Variants in COL19A1 observed in about 807,000 individuals in gnomAD.
COL19A1 encodes collagen alpha-1(XIX) chain.
In COL19A1, 159 loss-of-function variants were observed where a neutral mutation model predicts 190.2. That is an observed-to-expected ratio of 0.84 (90% CI 0.73 to 0.95). The LOEUF (loss-of-function observed/expected upper bound fraction) is 0.95. Ranked by LOEUF, COL19A1 falls within the 40% of genes least tolerant of loss-of-function variation. The pLI is 0.00. For missense variants in COL19A1, 1,418 were observed against 1,431.9 expected (o/e 0.99, Z 0.16); for synonymous variants, 509 against 458.9 (o/e 1.11, Z -1.39).
At chr6:70,082,731 G>A (rs1782336680) in intron 15 of COL19A1, among the ~76,000 whole-genome samples, 2 of 152,150 alleles carry the variant, frequency 1.3e-5, no homozygotes, top group Non-Finnish European at 2.9e-5. Flanking sequence ...TTAGATAAAA[G>A]TTATCCTCTA....
intron 16 of COL19A1, among the ~76,000 whole-genome samples, chr6:70,106,040 A>G (rs1377940678): frequency 6.6e-6 from 1 of 152,204 alleles, no homozygotes; most frequent in African/African-American, 2.4e-5. Flanking sequence ...TAATAACAGC[A>G]TACTTTATAA....
At chr6:70,143,505 T>C (rs1440216345) in intron 23 of COL19A1, among the ~76,000 whole-genome samples, 1 of 152,142 alleles carries the variant, frequency 6.6e-6, no homozygotes. Flanking sequence ...TATCTGACTA[T>C]GATTAGAGTT....
At chr6:69,954,061 G>A (rs144840214) in intron 9 of COL19A1, among the ~76,000 whole-genome samples, 7 of 152,084 alleles carry the variant, frequency 4.6e-5, no homozygotes, top group African/African-American at 1.7e-4. Flanking sequence ...GAATGAACCT[G>A]TTAGGGAAGA....
At chr6:70,128,845 GGAA>G (rs1181584226) in intron 17 of COL19A1, among the ~76,000 whole-genome samples, 3 of 152,280 alleles carry the variant, frequency 2.0e-5, no homozygotes, top group Non-Finnish European at 2.9e-5. Context: ...CTTTGTGACA[GGAA>G]GAAGGTTTAC....
intron 14 of COL19A1, among the ~76,000 whole-genome samples, chr6:70,068,121 A>G (rs1204552462): frequency 6.6e-6 from 1 of 151,872 alleles, no homozygotes; most frequent in Non-Finnish European, 1.5e-5. Flanking sequence ...GTTACCACTT[A>G]TTTATGGTGG....
intron 48 of COL19A1, among the ~76,000 whole-genome samples, chr6:70,196,613 G>A (rs1454976716): frequency 1.3e-5 from 2 of 152,184 alleles, no homozygotes; most frequent in African/African-American, 4.8e-5. Flanking sequence ...TAATATTAAT[G>A]TCTGTATTAT....
rs117229557 is a variant in COL19A1, at chr6:70,061,362, A to C, written c.1171-7061A>C. On this transcript the variant is annotated intron_variant, in intron 14 of 50. Coordinates refer to ENST00000620364, the MANE Select transcript of COL19A1 (RefSeq NM_001858.6). ...AGAGTGAATGATTCATCAAGGATTA[A>C]AAAAGAATTTCCTCAACTTCTAATC... Among the ~76,000 whole-genome samples, 1,489 of 152,192 alleles carry C rather than the reference A, an allele frequency of 9.8e-3. 6 individuals are homozygous for C. The highest frequency in any genetic ancestry group is 0.016 in the Non-Finnish European group (1,095 of 67,988).
At chr6:70,065,355 G>A (rs1044564971) in intron 14 of COL19A1, among the ~76,000 whole-genome samples, 1 of 152,274 alleles carries the variant, frequency 6.6e-6, no homozygotes, top group African/African-American at 2.4e-5. Flanking sequence ...CAAGAAATGG[G>A]GAAAGGATTC....
intron 1 of COL19A1, among the ~76,000 whole-genome samples, chr6:69,878,105 A>G (rs1768255308): frequency 6.6e-6 from 1 of 152,128 alleles, no homozygotes. Context: ...GCACCTGAAA[A>G]GATGTTCAAC....
chr6:70,006,641 T>C, intron 11 of COL19A1, among the ~76,000 whole-genome samples: 1 of 152,244 alleles, frequency 6.6e-6, no homozygotes, highest in South Asian at 2.1e-4. Context: ...TGACTATAAT[T>C]GTATTTGTCA....
chr6:69,946,439 T>C (rs1236842771), intron 9 of COL19A1, among the ~76,000 whole-genome samples: 2 of 152,072 alleles, frequency 1.3e-5, no homozygotes, highest in African/African-American at 2.4e-5. Flanking sequence ...CATATTAGAC[T>C]ACTCAAAATT....
chr6:69,994,494 A>G (rs373936202), intron 11 of COL19A1, among the ~76,000 whole-genome samples: 82 of 152,234 alleles, frequency 5.4e-4, no homozygotes, highest in African/African-American at 1.9e-3. Flanking sequence ...TTCTCACTGG[A>G]TTCCCAGGCA....
rs568944052 is a variant in COL19A1 at position 70,108,904 on chromosome 6, C to G, written c.1278+6682C>G. Among the ~76,000 whole-genome samples the G allele has an allele frequency of 3.1e-4, 47 of 152,234 alleles. 1 individual carries two copies. The South Asian group carries it at 9.5e-3, about 31-fold the overall frequency. On this transcript the variant is annotated intron_variant, in intron 16 of 50. Coordinates refer to ENST00000620364, the MANE Select transcript of COL19A1 (RefSeq NM_001858.6). ...CACAGTCCTGAAAGTTACAATTATA[C>G]ATCAGTTTGCACAATTAAAAGAGTA...
intron 1 of COL19A1, among the ~76,000 whole-genome samples, chr6:69,870,876 G>A (rs573275940): frequency 5.2e-4 from 79 of 152,280 alleles, no homozygotes; most frequent in African/African-American, 1.8e-3. Context: ...TTCAAAAGAC[G>A]TTTACAAATA....
At chr6:69,985,258 A>T (rs1311276923) in intron 11 of COL19A1, among the ~76,000 whole-genome samples, 1 of 152,178 alleles carries the variant, frequency 6.6e-6, no homozygotes, top group South Asian at 2.1e-4. Flanking sequence ...TTAAGTAGTG[A>T]GGTACTAACT....
At position 70,150,031 on chromosome 6, in the gene COL19A1, C is replaced by A. The variant is rs1786948336; in HGVS notation, c.2023C>A (p.Pro675Thr). Reference protein sequence around the residue: ...GRDGKPGLPGPPGDPIALPLL... With the variant: ...GRDGKPGLPGTPGDPIALPLL... ...AGATGGAAAGCCAGGCCTGCCAGGC[C>A]CCCCAGGTGACCCGGTATGTAGACA... The change falls in exon 30 of 51, where the codon CCC (proline) becomes ACC (threonine). Residue 675 changes from proline to threonine, a missense_variant. By Grantham distance (38) the Pro-to-Thr change is conservative. Coordinates refer to ENST00000620364, the MANE Select transcript of COL19A1 (RefSeq NM_001858.6). 6.2e-7 allele frequency: 1 copy of A among 1,613,642 alleles called. No homozygotes were observed. The highest frequency in any genetic ancestry group is 1.1e-5 in the South Asian group (1 of 91,062).
chr6:70,050,587 T>C (rs1023836507), intron 14 of COL19A1, among the ~76,000 whole-genome samples: 2 of 152,058 alleles, frequency 1.3e-5, no homozygotes, highest in Admixed American at 6.6e-5. Flanking sequence ...ATTATTAAAG[T>C]AAAATATCAC....
At chr6:69,958,650 A>C (rs969954416) in intron 9 of COL19A1, among the ~76,000 whole-genome samples, 1 of 152,180 alleles carries the variant, frequency 6.6e-6, no homozygotes, top group African/African-American at 2.4e-5. Context: ...TGTTTAGTAT[A>C]TACTGTGATG....
At chr6:69,967,343 A>G (rs1775175478) in intron 11 of COL19A1, among the ~76,000 whole-genome samples, 1 of 152,154 alleles carries the variant, frequency 6.6e-6, no homozygotes, top group Admixed American at 6.5e-5. Context: ...TGATAAAAAG[A>G]AAAAAACAAT....
Sources: allele counts gnomAD v4.1 joint callset (sites outside exome capture counted in the v4.1 genomes callset), GRCh38; gene constraint gnomAD v4.1.1; transcripts MANE v1.5; gene names NCBI Gene and HGNC (gene_info 2026-07-23, HGNC 2026-07-21).